Variants in PPP1R9A observed in about 807,000 individuals in gnomAD.
PPP1R9A encodes protein phosphatase 1 regulatory subunit 9A.
In PPP1R9A, 59 loss-of-function variants were observed where a neutral mutation model predicts 141.9. The ratio of observed to expected loss-of-function variants is 0.42; its 90% CI spans 0.34 to 0.52. The LOEUF (loss-of-function observed/expected upper bound fraction) is 0.52, where lower values mean the gene tolerates loss of function less well. PPP1R9A is among the 20% of genes least tolerant of loss of function. The pLI is 0.10. For synonymous variants in PPP1R9A, 500 were observed against 569.7 expected (o/e 0.88, Z 1.74); for missense variants, 1,444 against 1,611.9 (o/e 0.90, Z 1.78).
intron 4 of PPP1R9A, among the ~76,000 whole-genome samples, chr7:95,135,854 C>CTTTTTTTTTTTTTTT (rs58872136): frequency 2.7e-5 from 2 of 73,076 alleles, no homozygotes; most frequent in Non-Finnish European, 4.9e-5. Flanking sequence ...TTCAGCTTTA[C>CTTTTTTTTTTTTTTT]TTTTTTTTTT....
intron 1 of PPP1R9A, among the ~76,000 whole-genome samples, chr7:94,908,800 A>G (rs1239272634): frequency 6.6e-6 from 1 of 152,088 alleles, no homozygotes; most frequent in African/African-American, 2.4e-5. Flanking sequence ...AAAAGAAAAA[A>G]ACAGGCACCA....
chr7:95,240,912 C>A (rs1017674793), intron 8 of PPP1R9A, among the ~76,000 whole-genome samples: 1 of 148,722 alleles, frequency 6.7e-6, no homozygotes, highest in Non-Finnish European at 1.5e-5. Flanking sequence ...CCTGTTTTTT[C>A]TTTCCTTATC....
chr7:95,201,137 C>T (rs1033868723), intron 6 of PPP1R9A, among the ~76,000 whole-genome samples: 1 of 152,132 alleles, frequency 6.6e-6, no homozygotes, highest in African/African-American at 2.4e-5. Flanking sequence ...ATTATTTTCT[C>T]TATGCAACAG....
intron 12 of PPP1R9A, among the ~76,000 whole-genome samples, chr7:95,267,738 G>A (rs777549169): frequency 3.3e-5 from 5 of 152,056 alleles, no homozygotes; most frequent in Non-Finnish European, 7.4e-5. Context: ...TCGAAAATCA[G>A]TGTCGTTTCT....
At chr7:95,069,848 A>G (rs753796837) in intron 2 of PPP1R9A, among the ~76,000 whole-genome samples, 3 of 152,090 alleles carry the variant, frequency 2.0e-5, no homozygotes, top group Admixed American at 6.6e-5. Context: ...CTGTATGTGT[A>G]TGTCCTTTAG....
chr7:95,127,938 G>A (rs1823872244), intron 4 of PPP1R9A, among the ~76,000 whole-genome samples: 2 of 152,188 alleles, frequency 1.3e-5, no homozygotes, highest in South Asian at 4.1e-4. Context: ...CACCTAGGTT[G>A]GTTCTGTGTC....
intron 2 of PPP1R9A, among the ~76,000 whole-genome samples, chr7:95,055,708 A>G (rs1208657231): frequency 6.6e-6 from 1 of 151,928 alleles, no homozygotes; most frequent in Non-Finnish European, 1.5e-5. Flanking sequence ...TTATTAGTAC[A>G]CTCATTTCTG....
chr7:95,012,558 T>C (rs1804572810), intron 2 of PPP1R9A, among the ~76,000 whole-genome samples: 1 of 152,156 alleles, frequency 6.6e-6, no homozygotes, highest in Admixed American at 6.6e-5. Flanking sequence ...GGAGTATTTG[T>C]TTCATTCTAC....
intron 1 of PPP1R9A, chr7:94,908,122 C>G (rs926703533): frequency 1.3e-5 from 2 of 149,858 alleles, no homozygotes; most frequent in African/African-American, 2.4e-5. Flanking sequence ...CCTCCCCGCC[C>G]GCGGCGCTCC....
intron 2 of PPP1R9A, among the ~76,000 whole-genome samples, chr7:95,106,068 A>G (rs951225416): frequency 2.0e-5 from 3 of 152,272 alleles, no homozygotes; most frequent in Non-Finnish European, 2.9e-5. Flanking sequence ...CAGCCTGTGC[A>G]ATATGGTGAG....
At chr7:94,936,828 T>A (rs1189374452) in intron 2 of PPP1R9A, among the ~76,000 whole-genome samples, 2 of 152,158 alleles carry the variant, frequency 1.3e-5, no homozygotes, top group African/African-American at 4.8e-5. Context: ...TCCCTGGTCA[T>A]TAATTGCTTC....
chr7:95,271,765 T>A (rs1481226248), intron 14 of PPP1R9A, among the ~76,000 whole-genome samples: 1 of 152,142 alleles, frequency 6.6e-6, no homozygotes, highest in Non-Finnish European at 1.5e-5. Flanking sequence ...GGGGCTCAGA[T>A]GTATAATTGG....
chr7:95,171,512 T>C (rs1212776097), intron 5 of PPP1R9A, among the ~76,000 whole-genome samples: 1 of 151,586 alleles, frequency 6.6e-6, no homozygotes, highest in Non-Finnish European at 1.5e-5. Flanking sequence ...GAAGGTGTAA[T>C]TACATATTCC....
chr7:94,928,950 T>C (rs1268963268), intron 2 of PPP1R9A, among the ~76,000 whole-genome samples: 2 of 152,164 alleles, frequency 1.3e-5, no homozygotes, highest in Non-Finnish European at 2.9e-5. Flanking sequence ...GCCAATGAAT[T>C]ATGCAGGAAA....
chr7:95,024,710 T>G (rs1397033055), intron 2 of PPP1R9A, among the ~76,000 whole-genome samples: 1 of 152,184 alleles, frequency 6.6e-6, no homozygotes, highest in African/African-American at 2.4e-5. Context: ...AGCACACCGA[T>G]AGGTTTTGAG....
At chr7:95,213,987 C>T (rs982554178) in intron 7 of PPP1R9A, among the ~76,000 whole-genome samples, 1 of 152,156 alleles carries the variant, frequency 6.6e-6, no homozygotes, top group African/African-American at 2.4e-5. Flanking sequence ...CTTCCAGTTT[C>T]CACTCACAAT....
chr7:95,131,656 T>C (rs1057034001), intron 4 of PPP1R9A, among the ~76,000 whole-genome samples: 2 of 151,498 alleles, frequency 1.3e-5, no homozygotes, highest in South Asian at 4.2e-4. Flanking sequence ...TTTTTTTTTG[T>C]CTTTCAGGAG....
chr7:95,183,188 A>T (rs1171479049), intron 5 of PPP1R9A, among the ~76,000 whole-genome samples: 2 of 151,906 alleles, frequency 1.3e-5, no homozygotes, highest in Non-Finnish European at 2.9e-5. Context: ...CCCAGGCTAG[A>T]GTGCAGTGGT....
chr7:95,265,680 A>C (rs1020132205), intron 12 of PPP1R9A, among the ~76,000 whole-genome samples: 1 of 152,176 alleles, frequency 6.6e-6, no homozygotes, highest in African/African-American at 2.4e-5. Context: ...AAAGTTTTCA[A>C]CTTCATCCTA....
Sources: allele counts gnomAD v4.1 joint callset (sites outside exome capture counted in the v4.1 genomes callset), GRCh38; gene constraint gnomAD v4.1.1; transcripts MANE v1.5; gene names NCBI Gene and HGNC (gene_info 2026-07-23, HGNC 2026-07-21).